Variants in NRXN3 observed in about 807,000 individuals in gnomAD.
The protein encoded by NRXN3 is neurexin 3.
Under a neutral mutation model 137.6 loss-of-function variants are expected in NRXN3, and 32 were observed. The ratio of observed to expected loss-of-function variants is 0.23; its 90% confidence interval spans 0.18 to 0.31. The LOEUF (loss-of-function observed/expected upper bound fraction) is 0.31. Among genes scored for constraint, NRXN3 ranks in the 10% least tolerant of loss-of-function variants. NRXN3 has a pLI of 1.00. For missense variants in NRXN3, 1,574 were observed against 2,062.5 expected (o/e 0.76, Z 4.59); for synonymous variants, 798 against 784.5 (o/e 1.02, Z -0.29).
At chr14:78,289,918 G>GAAACA (rs2075628230) in intron 3 of NRXN3, among the ~76,000 whole-genome samples, 1 of 151,992 alleles carries the variant, frequency 6.6e-6, no homozygotes, top group Non-Finnish European at 1.5e-5. Flanking sequence ...ATCTCAAAAA[G>GAAACA]AAACAAAACA....
chr14:78,412,414 G>T (rs921364135), intron 4 of NRXN3, among the ~76,000 whole-genome samples: 2 of 151,488 alleles, frequency 1.3e-5, no homozygotes, highest in Non-Finnish European at 2.9e-5. Context: ...AAATTTGGAG[G>T]TGTTTTTTTA....
intron 15 of NRXN3, among the ~76,000 whole-genome samples, chr14:79,263,662 A>ATGGT (rs1451723345): frequency 2.6e-5 from 4 of 152,226 alleles, no homozygotes; most frequent in Non-Finnish European, 5.9e-5. Flanking sequence ...GAAGTAATAA[A>ATGGT]TGGTTCTTCA....
At chr14:78,970,952 G>A (rs2099436702) in intron 14 of NRXN3, among the ~76,000 whole-genome samples, 1 of 152,194 alleles carries the variant, frequency 6.6e-6, no homozygotes, top group South Asian at 2.1e-4. Flanking sequence ...CGCTGGGTGG[G>A]ATGAAGTGGA....
chr14:78,778,728 TTC>T (rs1219803376), intron 8 of NRXN3, among the ~76,000 whole-genome samples: 114 of 134,772 alleles, frequency 8.5e-4, no homozygotes, highest in African/African-American at 2.5e-3. Flanking sequence ...CTTTCTTTCT[TTC>T]TCTCTCTCTT....
chr14:78,189,037 T>A (rs1051916122), intron 1 of NRXN3, among the ~76,000 whole-genome samples: 1 of 152,170 alleles, frequency 6.6e-6, no homozygotes, highest in Non-Finnish European at 1.5e-5. Flanking sequence ...GACTTCTCTA[T>A]TTTAGAAATA....
chr14:79,454,920 C>A (rs2096237611), intron 15 of NRXN3, among the ~76,000 whole-genome samples: 1 of 152,084 alleles, frequency 6.6e-6, no homozygotes, highest in African/African-American at 2.4e-5. Flanking sequence ...TCATATTTTT[C>A]TTCTAATATA....
At chr14:78,892,172 A>C (rs549171807) in intron 10 of NRXN3, among the ~76,000 whole-genome samples, 3 of 151,970 alleles carry the variant, frequency 2.0e-5, no homozygotes, top group Non-Finnish European at 2.9e-5. Flanking sequence ...TCCTCCAGGG[A>C]ACTCTGATGC....
At chr14:78,831,173 C>A (rs2098980572) in intron 10 of NRXN3, among the ~76,000 whole-genome samples, 1 of 152,094 alleles carries the variant, frequency 6.6e-6, no homozygotes, top group East Asian at 1.9e-4. Flanking sequence ...ACTCTTGTAG[C>A]CTAAGCTGGT....
intron 14 of NRXN3, among the ~76,000 whole-genome samples, chr14:78,979,837 A>C (rs1043201730): frequency 7.2e-5 from 11 of 152,110 alleles, no homozygotes; most frequent in African/African-American, 2.2e-4. Context: ...TTATAAACCC[A>C]TCAGATCTCA....
chr14:79,007,508 C>T (rs1037132083), intron 15 of NRXN3, among the ~76,000 whole-genome samples: 1 of 145,432 alleles, frequency 6.9e-6, no homozygotes, highest in Non-Finnish European at 1.5e-5. Flanking sequence ...AACAAACAAA[C>T]AAAAAAAAAC....
chr14:78,671,655 T>A (rs1283247441), intron 6 of NRXN3, among the ~76,000 whole-genome samples: 1 of 152,228 alleles, frequency 6.6e-6, no homozygotes, highest in African/African-American at 2.4e-5. Flanking sequence ...AAAAATACGT[T>A]TATGCATTTT....
intron 16 of NRXN3, among the ~76,000 whole-genome samples, chr14:79,510,460 A>G (rs963884601): frequency 6.6e-6 from 1 of 152,212 alleles, no homozygotes; most frequent in African/African-American, 2.4e-5. Flanking sequence ...GCAAACACCT[A>G]TCCCACCGAT....
chr14:78,370,808 T>G, intron 4 of NRXN3, among the ~76,000 whole-genome samples: 1 of 152,252 alleles, frequency 6.6e-6, no homozygotes, highest in East Asian at 1.9e-4. Context: ...AACTTCACTG[T>G]AAGCTTTGGA....
chr14:78,946,196 G>A (rs541265847), intron 10 of NRXN3, among the ~76,000 whole-genome samples: 5 of 152,324 alleles, frequency 3.3e-5, no homozygotes, highest in African/African-American at 1.2e-4. Flanking sequence ...ACGGGGTCTT[G>A]TGCAAGTATG....
In NRXN3 at chr14:79,756,444, A is replaced by G. The variant is rs370958658; in HGVS notation, c.4015-48668A>G. Among the ~76,000 whole-genome samples, 167 of 152,316 alleles carry G rather than the reference A, an allele frequency of 1.1e-3. 6 individuals carry two copies. In the South Asian group the frequency reaches 0.034, roughly 31 times the overall value. ...TTCTGGGGCCAGTTGAAACATCTGA[A>G]CAAAATAAAAATCAATTGAATATGG... On this transcript the variant is annotated intron_variant, in intron 19 of 20. Transcript: ENST00000335750.
chr14:79,742,809 T>C (rs2154081244), intron 19 of NRXN3, among the ~76,000 whole-genome samples: 1 of 152,326 alleles, frequency 6.6e-6, no homozygotes, highest in Middle Eastern at 3.4e-3. Context: ...TAACGTATGC[T>C]TTATAAATAC....
At chr14:78,277,721 C>T (rs1252814759) in intron 2 of NRXN3, among the ~76,000 whole-genome samples, 1 of 152,102 alleles carries the variant, frequency 6.6e-6, no homozygotes, top group African/African-American at 2.4e-5. Context: ...TTAACAGTGC[C>T]TTGGGCTGCT....
intron 15 of NRXN3, among the ~76,000 whole-genome samples, chr14:79,377,011 A>G (rs1237056331): frequency 6.6e-6 from 1 of 152,216 alleles, no homozygotes; most frequent in African/African-American, 2.4e-5. Context: ...TAAGTAGAAG[A>G]TACTTGAATA....
intron 8 of NRXN3, among the ~76,000 whole-genome samples, chr14:78,762,032 T>C (rs2152977404): frequency 1.3e-5 from 2 of 152,350 alleles, no homozygotes; most frequent in South Asian, 4.1e-4. Flanking sequence ...CCTTGGGTCC[T>C]GCAGAGGAAA....
Sources: allele counts gnomAD v4.1 joint callset (sites outside exome capture counted in the v4.1 genomes callset), GRCh38; gene constraint gnomAD v4.1.1; transcripts MANE v1.5; gene names NCBI Gene and HGNC (gene_info 2026-07-23, HGNC 2026-07-21).